Variants in SUDS3 observed in about 807,000 individuals in gnomAD.
The protein encoded by SUDS3 is sin3 histone deacetylase corepressor complex component SDS3.
In SUDS3, 23 loss-of-function variants were observed where a neutral mutation model predicts 53.5. The ratio of observed to expected loss-of-function variants is 0.43; its 90% CI spans 0.31 to 0.61. The LOEUF is 0.61. Ranked by LOEUF, SUDS3 falls within the 20% of genes least tolerant of loss-of-function variation. The pLI is 0.10. For synonymous variants in SUDS3, 150 were observed against 148.5 expected, an observed-to-expected ratio of 1.01 and a Z score of -0.08; for missense variants, 291 against 405.9, an observed-to-expected ratio of 0.72 and a Z score of 2.43.
intron 1 of SUDS3, among the ~76,000 whole-genome samples, chr12:118,378,964 T>C (rs2046029032): frequency 6.8e-6 from 1 of 147,056 alleles, no homozygotes; most frequent in South Asian, 2.2e-4. Context: ...CGTGAGCCAC[T>C]GCACCTGGCC....
At chr12:118,395,847 A>G (rs1416252824) in intron 6 of SUDS3, among the ~76,000 whole-genome samples, 1 of 151,718 alleles carries the variant, frequency 6.6e-6, no homozygotes, top group Non-Finnish European at 1.5e-5. Flanking sequence ...GCGTGCCACC[A>G]TGCCTGACTA....
chr12:118,389,847 C>A, intron 4 of SUDS3, 80 bp from the exon 5 acceptor site: 1 of 1,549,434 alleles, frequency 6.5e-7, no homozygotes, highest in South Asian at 1.1e-5. Context: ...GCAATTACTG[C>A]TTCTAAATGA....
At position 118,376,720 on chromosome 12, in the gene SUDS3, C is replaced by T. The variant is rs1328345350; in HGVS notation, c.29C>T (p.Ala10Val). The change falls in exon 1 of 12, where the codon GCC becomes GTC. Residue 10 changes from alanine (A) to valine (V), a missense_variant. By Grantham distance (64) the Ala-to-Val change is moderately conservative (BLOSUM62 0). This residue lies in a region of SUDS3 where 149 missense variants were observed against 146.5 expected (regional missense o/e 1.02). Coordinates refer to ENST00000543473, the MANE Select transcript of SUDS3 (RefSeq NM_022491.3). Reference protein sequence around the residue: MSAAGLLAPAPAQAGAPPAP... With the variant: MSAAGLLAPVPAQAGAPPAP... ...AGTGCCGCGGGGCTGCTGGCCCCGG[C>T]CCCGGCCCAGGCTGGAGCGCCGCCG... is the stretch of plus-strand genomic sequence containing the variant. 2 of 1,522,514 alleles carry T rather than the reference C, an allele frequency of 1.3e-6. No homozygotes were observed. The highest frequency in any genetic ancestry group is 1.8e-6 in the Non-Finnish European group (2 of 1,140,784). 94.3% of individuals were successfully genotyped at this position (1,522,514 alleles called of 1,614,324 possible).
Position 118,414,301 on chromosome 12 carries a change from CTT to C in SUDS3, c.889-31_889-30del, listed in dbSNP as rs747399219. ...AGGAGATTTGCTCTTCTGTATTTAA[CTT>C]TTCATCTTGTTCCCTTTCCTCTCCC... On this transcript the variant is annotated intron_variant, in intron 11 of 11. Transcript: ENST00000543473. 6 of 1,507,700 alleles carry C rather than the reference CTT, an allele frequency of 4.0e-6. No individual in the cohort carries two copies. The Admixed American group carries it at 5.9e-5, about 15-fold the overall frequency. 93.4% of individuals were successfully genotyped at this position (1,507,700 alleles called of 1,614,324 possible).
intron 6 of SUDS3, among the ~76,000 whole-genome samples, chr12:118,400,244 G>A (rs577239248): frequency 6.6e-6 from 1 of 152,254 alleles, no homozygotes; most frequent in South Asian, 2.1e-4. Flanking sequence ...CATACCAATG[G>A]GCTTCAGCAC....
At position 118,402,503 on chromosome 12, in the gene SUDS3, C is replaced by A. The variant is rs78919212; in HGVS notation, c.697+499C>A. ...TTCCTTCCGGAACAGCACTTGAGAT[C>A]ATCAGTGCTAGCTGCCAACTAGAAT... On this transcript the variant is annotated intron_variant, in intron 9 of 11. Coordinates refer to ENST00000543473, the MANE Select transcript of SUDS3 (RefSeq NM_022491.3). 2.5e-3 allele frequency: 402 copies of A among 158,058 alleles called. 5 individuals are homozygous for A. The East Asian group carries it at 0.047, about 18-fold the overall frequency. The allele number at this position is 158,058 out of a possible 1,614,324, so 9.8% of individuals were successfully genotyped here.
In SUDS3 at chr12:118,384,048, G is replaced by T. The variant is rs777881792; in HGVS notation, c.249G>T (p.Gln83His). 1 of 1,613,526 alleles carries T rather than the reference G, an allele frequency of 6.2e-7. No homozygotes were observed. Among genetic ancestry groups the T allele is most frequent in the Non-Finnish European group, 8.5e-7 (1 of 1,179,792 alleles). ...ACAAACTGGCTTCTCTCAAGAGGCA[G>T]TTGCAACAACTGCAAGAAGGTTGGT... is the stretch of plus-strand genomic sequence containing the variant. Reference protein sequence around the residue: ...YQDKLASLKRQLQQLQEGTLQ... With the variant: ...YQDKLASLKRHLQQLQEGTLQ... Residue 83 changes from glutamine to histidine, a missense_variant, in exon 3 of 12, where the codon CAG becomes CAT. Physicochemically the swap from Gln to His is conservative, Grantham distance 24. Around this residue, in one of 4 missense-constraint regions of SUDS3, gnomAD observed 149 missense variants for 146.5 expected, o/e 1.02. Coordinates refer to ENST00000543473, the MANE Select transcript of SUDS3 (RefSeq NM_022491.3).
At chr12:118,393,321 C>G (rs944602346) in intron 6 of SUDS3, among the ~76,000 whole-genome samples, 6 of 152,162 alleles carry the variant, frequency 3.9e-5, no homozygotes, top group Non-Finnish European at 7.3e-5. Flanking sequence ...ACATGAACGT[C>G]TCTTGAAAAG....
rs1332883990 is a variant in SUDS3, at chr12:118,414,721, TG to T, written c.*289del. ...ACTTTCCTTTTATTTCTTTATTTTTTGCTTATACTTGTTTTTGAAAACCTCC... is the reference window on the plus strand; with the variant it reads ...ACTTTCCTTTTATTTCTTTATTTTTTCTTATACTTGTTTTTGAAAACCTCC... On this transcript the variant is annotated 3_prime_UTR_variant, in exon 12 of 12. Transcript: ENST00000543473. 1.5e-5 allele frequency: 4 copies of T among 271,270 alleles called. No individual in the cohort carries two copies. Among genetic ancestry groups the T allele is most frequent in the Non-Finnish European group, 2.7e-5 (4 of 145,942 alleles). 16.8% of individuals were successfully genotyped at this position (271,270 alleles called of 1,614,324 possible). A position where few individuals can be genotyped will look rare whatever the true frequency, so the allele number is the denominator to read the frequency against.
At chr12:118,398,395 C>G (rs2046234878) in intron 6 of SUDS3, among the ~76,000 whole-genome samples, 1 of 152,134 alleles carries the variant, frequency 6.6e-6, no homozygotes, top group African/African-American at 2.4e-5. Flanking sequence ...TGGCCAGTAA[C>G]TAACTGGAGA....
intron 10 of SUDS3, among the ~76,000 whole-genome samples, chr12:118,405,788 C>T (rs2046303772): frequency 1.3e-5 from 2 of 152,216 alleles, no homozygotes; most frequent in Non-Finnish European, 2.9e-5. Context: ...CCCATCTCAC[C>T]AGGCTCATGT....
rs1566215796 is a variant in SUDS3, at chr12:118,417,597, G to A, written c.*3164G>A. On this transcript the variant is annotated 3_prime_UTR_variant, in exon 12 of 12. Coordinates refer to ENST00000543473, the MANE Select transcript of SUDS3 (RefSeq NM_022491.3). ...GTAAATTTGCAGCCATTTCAAGCAG[G>A]TGATGGTCTTTTTTTATAACATCGT... 1 of 151,576 alleles carries A rather than the reference G, an allele frequency of 6.6e-6. No individual in the cohort carries two copies. Among genetic ancestry groups the A allele is most frequent in the Non-Finnish European group, 1.5e-5 (1 of 67,992 alleles). The allele number at this position is 151,576 out of a possible 1,614,324, so 9.4% of individuals were successfully genotyped here. A position where few individuals can be genotyped will look rare whatever the true frequency, so the allele number is the denominator to read the frequency against.
chr12:118,409,149 CT>C (rs559836882), intron 10 of SUDS3, among the ~76,000 whole-genome samples: 17,498 of 139,800 alleles, frequency 0.13, 1,170 homozygotes, highest in Middle Eastern at 0.2. Flanking sequence ...ATTTAAAATT[CT>C]TTTTTTTTTT....
At chr12:118,400,938 T>C (rs1267542976) in intron 7 of SUDS3, among the ~76,000 whole-genome samples, 184 bp downstream of exon 7, 2 of 152,228 alleles carry the variant, frequency 1.3e-5, no homozygotes, top group Non-Finnish European at 2.9e-5. Context: ...GTAGTCCTCA[T>C]TTGCTACTGC....
At chr12:118,378,417 C>T (rs1223031600) in intron 1 of SUDS3, among the ~76,000 whole-genome samples, 1 of 151,624 alleles carries the variant, frequency 6.6e-6, no homozygotes, top group Non-Finnish European at 1.5e-5. Context: ...TTTTGTTATT[C>T]CTAAACAGTG....
At chr12:118,403,145 T>G (rs148018769) in intron 9 of SUDS3, among the ~76,000 whole-genome samples, 3 of 152,344 alleles carry the variant, frequency 2.0e-5, no homozygotes, top group East Asian at 3.9e-4. Context: ...CCTTATGTAT[T>G]TGCACATTTG....
intron 1 of SUDS3, among the ~76,000 whole-genome samples, chr12:118,379,361 C>T (rs528683525): frequency 5.9e-5 from 9 of 152,198 alleles, no homozygotes; most frequent in African/African-American, 2.2e-4. Context: ...CGCTTGAACC[C>T]AGGAGGTGGA....
At chr12:118,387,281 C>T (rs955263532) in intron 4 of SUDS3, among the ~76,000 whole-genome samples, 1 of 152,156 alleles carries the variant, frequency 6.6e-6, no homozygotes, top group Middle Eastern at 3.2e-3. Context: ...GTTGCTCTTC[C>T]TAGACTTCCC....
chr12:118,393,313 A>G (rs911771962), intron 6 of SUDS3, among the ~76,000 whole-genome samples: 1 of 152,214 alleles, frequency 6.6e-6, no homozygotes, highest in African/African-American at 2.4e-5. Flanking sequence ...TTGGTTCAAC[A>G]TGAACGTCTC....
Sources: allele counts gnomAD v4.1 joint callset (sites outside exome capture counted in the v4.1 genomes callset), GRCh38; gene constraint gnomAD v4.1.1; regional missense constraint gnomAD v4.1.1; transcripts MANE v1.5; gene names NCBI Gene and HGNC (gene_info 2026-07-23, HGNC 2026-07-21).